The following SPG11 variants were observed in gnomAD, a reference collection of about 807,000 sequenced individuals.
The protein encoded by SPG11 is spatacsin.
A neutral mutation model predicts 274.0 loss-of-function variants in SPG11; 222 were observed. The observed-to-expected ratio is 0.81, with a 90% CI of 0.73 to 0.91. The LOEUF (loss-of-function observed/expected upper bound fraction) is 0.91. Among genes scored for constraint, SPG11 ranks in the 40% least tolerant of loss-of-function variants. The pLI is 0.00. For missense variants in SPG11, 3,114 were observed against 2,872.7 expected, an observed-to-expected ratio of 1.08 and a Z score of -1.92; for synonymous variants, 1,144 against 1,039.7, an observed-to-expected ratio of 1.10 and a Z score of -1.93.
At chr15:44,627,182 TAG>T (rs1278942509) in intron 10 of SPG11, among the ~76,000 whole-genome samples, 2 of 152,046 alleles carry the variant, frequency 1.3e-5, no homozygotes, top group African/African-American at 2.4e-5. Context: ...GGCAGCAATA[TAG>T]AGAGTGGACT....
chr15:44,627,355 TG>T (rs1163982391), intron 10 of SPG11, among the ~76,000 whole-genome samples: 1 of 152,160 alleles, frequency 6.6e-6, no homozygotes, highest in Non-Finnish European at 1.5e-5. Flanking sequence ...CATTAAGCCA[TG>T]TATAAAATTT....
chr15:44,606,523 T>C (rs1294490398), intron 19 of SPG11, among the ~76,000 whole-genome samples: 1 of 152,040 alleles, frequency 6.6e-6, no homozygotes, highest in Non-Finnish European at 1.5e-5. Flanking sequence ...ACTAGATAAA[T>C]GGTTGAAGGA....
At position 44,657,210 on chromosome 15, in the gene SPG11, C is replaced by G; in HGVS notation, c.754G>C (p.Glu252Gln). The G allele has an allele frequency of 6.2e-7, 1 of 1,614,154 alleles. No homozygotes were observed. Among genetic ancestry groups the G allele is most frequent in the Non-Finnish European group, 8.5e-7 (1 of 1,180,016 alleles). ...GTAAATGAAGAAATCTTGGCTGGCTCCTGTTGCTGCTCATTACACATGTCT... is the reference window on the plus strand; with the variant it reads ...GTAAATGAAGAAATCTTGGCTGGCTGCTGTTGCTGCTCATTACACATGTCT... The part of the protein sequence containing the change: ...KEDMCNEQQQ[E>Q]PAKISSFTSL... Residue 252 changes from glutamate (E) to glutamine (Q), a missense_variant, in exon 4 of 40, where the codon GAG becomes CAG. Glu to Gln is a conservative substitution (Grantham distance 29). Coordinates refer to ENST00000261866, the MANE Select transcript of SPG11 (RefSeq NM_025137.4).
chr15:44,627,446 C>G (rs1006101449), intron 10 of SPG11, among the ~76,000 whole-genome samples: 1 of 151,948 alleles, frequency 6.6e-6, no homozygotes, highest in African/African-American at 2.4e-5. Flanking sequence ...TAACCCCTTC[C>G]CCTGGCAAAA....
At chr15:44,649,767 C>T (rs943909158) in intron 6 of SPG11, among the ~76,000 whole-genome samples, 2 of 151,840 alleles carry the variant, frequency 1.3e-5, no homozygotes, top group African/African-American at 2.4e-5. Flanking sequence ...TGGTGGCGGG[C>T]ACCTGTAATC....
chr15:44,565,747 G>A (rs2082294134), intron 38 of SPG11, 107 bp downstream of exon 38: 1 of 1,380,552 alleles, frequency 7.2e-7, no homozygotes, highest in Admixed American at 1.9e-5. Context: ...GAACTGTACT[G>A]TCCTGGTTCT....
intron 8 of SPG11, among the ~76,000 whole-genome samples, chr15:44,632,299 C>G (rs572078667): frequency 3.9e-4 from 59 of 152,188 alleles, no homozygotes; most frequent in Admixed American, 1.2e-3. Context: ...CTGTTCTGGT[C>G]TGATGGGGCC....
intron 1 of SPG11, among the ~76,000 whole-genome samples, chr15:44,661,869 T>C (rs982982632): frequency 1.3e-5 from 2 of 152,208 alleles, no homozygotes; most frequent in Non-Finnish European, 2.9e-5. Flanking sequence ...ACTATAAACA[T>C]GCCCTTATTT....
rs1324932879 is a variant in SPG11 at position 44,663,602 on chromosome 15, T to G, written c.46A>C (p.Ser16Arg). ...GVASAASAGG[S>R]WGTAAMGRVL... ...CGCCCCATGGCCGCGGTGCCCCAGC[T>G]ACCGCCGGCGGAAGCAGCACTCGCG... Residue 16 changes from serine to arginine, a missense_variant, in exon 1 of 40, where the codon AGC becomes CGC. Transcript: ENST00000261866. 5.0e-6 allele frequency: 8 copies of G among 1,596,580 alleles called. No individual in the cohort carries two copies. The highest frequency in any genetic ancestry group is 6.8e-6 in the Non-Finnish European group (8 of 1,175,250).
At chr15:44,583,040 G>C (rs952283081) in intron 30 of SPG11, among the ~76,000 whole-genome samples, 2 of 151,984 alleles carry the variant, frequency 1.3e-5, no homozygotes, top group African/African-American at 4.8e-5. Flanking sequence ...GCAAGAACAA[G>C]AAATAAAAGG....
chr15:44,631,145 T>C (rs554783479), intron 8 of SPG11, among the ~76,000 whole-genome samples: 1 of 152,278 alleles, frequency 6.6e-6, no homozygotes, highest in Admixed American at 6.5e-5. Flanking sequence ...TCTAGTAATA[T>C]AAGTAAATGA....
At chr15:44,639,345 T>A (rs1300754096) in intron 7 of SPG11, among the ~76,000 whole-genome samples, 1 of 151,024 alleles carries the variant, frequency 6.6e-6, no homozygotes, top group Non-Finnish European at 1.5e-5. Context: ...TGTGCTCTAC[T>A]CAGGAATAAG....
rs565844167 is a variant in SPG11 at position 44,612,739 on chromosome 15, T to C, written c.3145+691A>G. ...GTTGTCTGTGGCTTCTAATTTTTTT[T>C]TTTAACAATGAACATATATTACTTC... is the stretch of plus-strand genomic sequence containing the variant. On this transcript the variant is annotated intron_variant, in intron 17 of 39. Transcript: ENST00000261866. 5.3e-5 allele frequency among the ~76,000 whole-genome samples: 8 copies of C among 152,268 alleles called. No homozygotes were observed. The South Asian group carries it at 1.5e-3, about 28-fold the overall frequency.
intron 10 of SPG11, among the ~76,000 whole-genome samples, 169 bp from the exon 11 acceptor site, chr15:44,626,676 C>T (rs2141038723): frequency 6.6e-6 from 1 of 152,164 alleles, no homozygotes; most frequent in Middle Eastern, 3.4e-3. Flanking sequence ...AAAACTAAGA[C>T]CCTACACTCC....
chr15:44,623,415 A>G (rs982951079), intron 11 of SPG11, among the ~76,000 whole-genome samples: 2 of 152,166 alleles, frequency 1.3e-5, no homozygotes, highest in African/African-American at 4.8e-5. Context: ...ATCAATGCAA[A>G]CAACATCCCT....
chr15:44,621,344 T>C (rs2083743956), intron 14 of SPG11: 1 of 156,878 alleles, frequency 6.4e-6, no homozygotes, highest in Admixed American at 6.3e-5. Context: ...TTAAAAATAA[T>C]AAACAAACAA....
At chr15:44,628,541 A>C in intron 10 of SPG11, 128 bp downstream of exon 10, 1 of 891,362 alleles carries the variant, frequency 1.1e-6, no homozygotes, top group Non-Finnish European at 1.8e-6. Flanking sequence ...CCAAACCGAT[A>C]AAACCTAAAA....
At chr15:44,639,416 G>T (rs1281367643) in intron 7 of SPG11, among the ~76,000 whole-genome samples, 1 of 151,980 alleles carries the variant, frequency 6.6e-6, no homozygotes, top group Non-Finnish European at 1.5e-5. Flanking sequence ...TAAGAAAAAA[G>T]GTGGTAGCTA....
At position 44,651,563 on chromosome 15, in the gene SPG11, A is replaced by G. The variant is rs139019255; in HGVS notation, c.1384T>C (p.Cys462Arg). Residue 462 changes from cysteine (C) to arginine (R), a missense_variant, in exon 6 of 40, where the codon TGT becomes CGT. Physicochemically the swap from Cys to Arg is radical, Grantham distance 180 (BLOSUM62 -3). Coordinates refer to ENST00000261866, the MANE Select transcript of SPG11 (RefSeq NM_025137.4). The stretch of plus-strand genomic sequence containing the variant: ...ATACACTTTGTGCCAAGGGAAAAAC[A>G]CTGCATGCCCTGGGTCTCCAAATCC... Reference protein sequence around the residue: ...LWDLETQGMQCFSLGTKCIPV... With the variant: ...LWDLETQGMQRFSLGTKCIPV... The G allele has an allele frequency of 8.2e-5, 133 of 1,614,040 alleles. 1 individual carries two copies. In the African/African-American group the frequency reaches 1.7e-3, roughly 21 times the overall value.
Sources: gnomAD v4.1 joint callset for allele counts (sites outside exome capture counted in the v4.1 genomes callset) on GRCh38, gnomAD v4.1.1 for gene constraint, MANE v1.5 for transcripts, NCBI Gene and HGNC (gene_info 2026-07-23, HGNC 2026-07-21) for gene names.